The following A1CF variants were observed in gnomAD, a reference collection of about 807,000 sequenced individuals.
The protein encoded by A1CF is APOBEC-1 stimulating protein.
A1CF carries 48 observed loss-of-function variants against 68.9 expected under a neutral mutation model. The observed-to-expected ratio is 0.70, with a 90% confidence interval of 0.55 to 0.89. The LOEUF (loss-of-function observed/expected upper bound fraction) is 0.89, where lower values mean the gene tolerates loss of function less well. A1CF is among the 40% of genes least tolerant of loss of function. The pLI, the probability that A1CF is intolerant of heterozygous loss-of-function variation, is 0.00. For synonymous variants in A1CF, 272 were observed against 260.4 expected (o/e 1.04, Z -0.43); for missense variants, 653 against 718.9 (o/e 0.91, Z 1.05).
intron 4 of A1CF, among the ~76,000 whole-genome samples, chr10:50,842,319 A>G (rs1371693855): frequency 6.6e-6 from 1 of 152,212 alleles, no homozygotes; most frequent in Admixed American, 6.5e-5. Flanking sequence ...AGACATGAAA[A>G]CACATTTTAT....
chr10:50,831,159 A>C (rs1294650602), intron 6 of A1CF, among the ~76,000 whole-genome samples: 2 of 152,234 alleles, frequency 1.3e-5, no homozygotes, highest in Non-Finnish European at 2.9e-5. Context: ...TAAAACTACT[A>C]GAAAGAAACA....
intron 7 of A1CF, among the ~76,000 whole-genome samples, chr10:50,820,971 T>G (rs925170939): frequency 1.3e-5 from 2 of 152,240 alleles, no homozygotes; most frequent in South Asian, 2.1e-4. Context: ...AAATACTTGT[T>G]GAATTGAGTT....
chr10:50,814,068 A>G, intron 9 of A1CF, 30 bp from the exon 10 acceptor site: 1 of 1,611,976 alleles, frequency 6.2e-7, no homozygotes, highest in Non-Finnish European at 8.5e-7. Flanking sequence ...AATTTCTAGG[A>G]ACGTAAGAAG....
chr10:50,817,542 A>G (rs1838429138), intron 8 of A1CF, among the ~76,000 whole-genome samples: 1 of 152,242 alleles, frequency 6.6e-6, no homozygotes, highest in Non-Finnish European at 1.5e-5. Context: ...AGAGACAGAC[A>G]GAATCCAGCT....
intron 7 of A1CF, among the ~76,000 whole-genome samples, chr10:50,821,773 G>A (rs1588978211): frequency 2.0e-5 from 3 of 152,224 alleles, no homozygotes; most frequent in Non-Finnish European, 4.4e-5. Context: ...CCGACCTCAG[G>A]TGATCTGCCT....
chr10:50,800,789 T>C lies in A1CF; in HGVS notation c.*5940A>G, dbSNP rs1214191726. The stretch of plus-strand genomic sequence containing the variant: ...TTTCCATTAAAAATAATAAAACCTT[T>C]ATATGACGTGATGTGAGGATTTTTC... On this transcript the variant is annotated 3_prime_UTR_variant, in exon 13 of 13. Transcript: ENST00000373997. The C allele has an allele frequency of 1.3e-5, 2 of 152,180 alleles. No individual in the cohort carries two copies. Among genetic ancestry groups the C allele is most frequent in the African/African-American group, 4.8e-5 (2 of 41,454 alleles). The allele number at this position is 152,180 out of a possible 1,614,324, so 9.4% of individuals were successfully genotyped here.
intron 10 of A1CF, among the ~76,000 whole-genome samples, chr10:50,811,542 C>T (rs2132319375): frequency 6.6e-6 from 1 of 152,290 alleles, no homozygotes; most frequent in Middle Eastern, 3.4e-3. Context: ...CATTATTACT[C>T]TCAATCTCTG....
intron 9 of A1CF, among the ~76,000 whole-genome samples, chr10:50,814,331 A>G (rs762316079): frequency 1.3e-5 from 2 of 152,240 alleles, no homozygotes; most frequent in Admixed American, 6.5e-5. Flanking sequence ...AAATTTTGGG[A>G]TAGAAAATTT....
chr10:50,850,991 T>C (rs1840216341), intron 3 of A1CF, among the ~76,000 whole-genome samples: 1 of 152,236 alleles, frequency 6.6e-6, no homozygotes. Context: ...AAACTTCCCA[T>C]GTGCAGATAA....
chr10:50,802,514 G>A lies in A1CF; in HGVS notation c.*4215C>T, dbSNP rs942452793. 1 of 152,218 alleles carries A rather than the reference G, an allele frequency of 6.6e-6. No individual in the cohort carries two copies. The allele number at this position is 152,218 out of a possible 1,614,324, so 9.4% of individuals were successfully genotyped here. ...ACAGATGTATTTACAATATATGAAA[G>A]TGTATCTACAATACATAAAAAGTGC... On this transcript the variant is annotated 3_prime_UTR_variant, in exon 13 of 13. Coordinates refer to ENST00000373997, the MANE Select transcript of A1CF (RefSeq NM_014576.4).
At position 50,834,355 on chromosome 10, in the gene A1CF, A is replaced by G. The variant is rs377330857; in HGVS notation, c.604+1719T>C. Among the ~76,000 whole-genome samples the G allele has an allele frequency of 3.5e-4, 53 of 152,312 alleles. 2 individuals are homozygous for G. In the South Asian group the frequency reaches 9.9e-3, roughly 29 times the overall value. ...TGGAATACTGGAGGTAGGTTTCTCAAGAAGGTGCTGGCTGGGCTGGGGTGA... is the reference window on the plus strand; with the variant it reads ...TGGAATACTGGAGGTAGGTTTCTCAGGAAGGTGCTGGCTGGGCTGGGGTGA... On this transcript the variant is annotated intron_variant, in intron 6 of 12. Coordinates refer to ENST00000373997, the MANE Select transcript of A1CF (RefSeq NM_014576.4).
intron 1 of A1CF, among the ~76,000 whole-genome samples, chr10:50,865,320 A>C (rs1840938097): frequency 6.7e-6 from 1 of 148,966 alleles, no homozygotes; most frequent in Non-Finnish European, 1.5e-5. Context: ...ACTACTACTA[A>C]AATAAATACA....
At position 50,806,959 on chromosome 10, in the gene A1CF, A is replaced by C. The variant is rs1003055404; in HGVS notation, c.1610-79T>G. ...TTGGCTTATTTGTCTTCTTTTAGAA[A>C]TACGAACATTTAACATATTGCTTAA... is the stretch of plus-strand genomic sequence containing the variant. On this transcript the variant is annotated intron_variant, in intron 12 of 12. Coordinates refer to ENST00000373997, the MANE Select transcript of A1CF (RefSeq NM_014576.4). 11 of 1,426,562 alleles carry C rather than the reference A, an allele frequency of 7.7e-6. No individual in the cohort carries two copies. In the South Asian group the frequency reaches 1.5e-4, roughly 19 times the overall value. The allele number at this position is 1,426,562 out of a possible 1,614,324, so 88.4% of individuals were successfully genotyped here. A position where few individuals can be genotyped will look rare whatever the true frequency, so the allele number is the denominator to read the frequency against.
chr10:50,860,729 T>G (rs986729818), intron 2 of A1CF, among the ~76,000 whole-genome samples: 2 of 152,228 alleles, frequency 1.3e-5, no homozygotes, highest in African/African-American at 4.8e-5. Context: ...TTTCATTGTC[T>G]ACATTTTCTA....
intron 10 of A1CF, among the ~76,000 whole-genome samples, chr10:50,812,856 T>C (rs903312224): frequency 5.9e-5 from 9 of 152,248 alleles, no homozygotes; most frequent in African/African-American, 2.2e-4. Context: ...GATTGCTGTT[T>C]AGCAGTCTGA....
intron 9 of A1CF, among the ~76,000 whole-genome samples, chr10:50,815,465 A>G (rs1838319485): frequency 6.6e-6 from 1 of 152,218 alleles, no homozygotes; most frequent in African/African-American, 2.4e-5. Context: ...CTTCTAAGAA[A>G]GTATAACATA....
intron 12 of A1CF, among the ~76,000 whole-genome samples, chr10:50,807,694 C>T (rs1837899613): frequency 6.6e-6 from 1 of 152,188 alleles, no homozygotes; most frequent in South Asian, 2.1e-4. Context: ...AGCATTATTT[C>T]TCTGTATTGT....
At chr10:50,857,635 G>T (rs1840548040) in intron 3 of A1CF, among the ~76,000 whole-genome samples, 1 of 152,192 alleles carries the variant, frequency 6.6e-6, no homozygotes, top group African/African-American at 2.4e-5. Flanking sequence ...TAGACAGCTT[G>T]ATGTGTATTC....
rs528835529 is a variant in A1CF at position 50,877,545 on chromosome 10, A to C, written c.-94+8036T>G. Among the ~76,000 whole-genome samples, 4 of 152,374 alleles carry C rather than the reference A, an allele frequency of 2.6e-5. No homozygotes were observed. In the South Asian group the frequency reaches 6.2e-4, roughly 24 times the overall value. ...CTCTGTGTTACAGTGGCACAGAAGCAATCTGACACTTGTAAGGAAAGATAG... is the reference window on the plus strand; with the variant it reads ...CTCTGTGTTACAGTGGCACAGAAGCCATCTGACACTTGTAAGGAAAGATAG... On this transcript the variant is annotated intron_variant, in intron 1 of 12. Coordinates refer to ENST00000373997, the MANE Select transcript of A1CF (RefSeq NM_014576.4).
Sources: allele counts gnomAD v4.1 joint callset (sites outside exome capture counted in the v4.1 genomes callset), GRCh38; gene constraint gnomAD v4.1.1; transcripts MANE v1.5; gene names NCBI Gene and HGNC (gene_info 2026-07-23, HGNC 2026-07-21).